Variants in SHQ1 observed in about 807,000 individuals in gnomAD.
SHQ1 encodes protein SHQ1 homolog.
A neutral mutation model predicts 53.8 loss-of-function variants in SHQ1; 49 were observed. That is an observed-to-expected ratio of 0.91 (90% CI 0.72 to 1.16). The LOEUF (loss-of-function observed/expected upper bound fraction) is 1.16, where lower values mean the gene tolerates loss of function less well. Among genes scored for constraint, SHQ1 ranks in the 50% most tolerant of loss-of-function variants. The pLI is 0.00. For missense variants in SHQ1, 738 were observed against 683.1 expected (o/e 1.08, Z -0.90); for synonymous variants, 243 against 251.0 (o/e 0.97, Z 0.30).
intron 10 of SHQ1, among the ~76,000 whole-genome samples, chr3:72,768,183 A>G (rs1432857453): frequency 6.6e-6 from 1 of 152,230 alleles, no homozygotes; most frequent in Admixed American, 6.5e-5. Flanking sequence ...AGAAGAAATC[A>G]GCAGAGATAA....
At chr3:72,819,402 T>C (rs1248100277) in intron 6 of SHQ1, among the ~76,000 whole-genome samples, 1 of 152,242 alleles carries the variant, frequency 6.6e-6, no homozygotes, top group Non-Finnish European at 1.5e-5. Flanking sequence ...ATGGTACCTT[T>C]TGCCATTGAA....
chr3:72,726,270 G>A, the SHQ1 span, among the ~76,000 whole-genome samples: 7 of 152,244 alleles, frequency 4.6e-5, no homozygotes, highest in East Asian at 7.7e-4. Flanking sequence ...CAGCCAGGCC[G>A]CCTCCCAGGC....
Position 72,791,961 on chromosome 3 carries a change from A to C in SHQ1, c.1181+955T>G, listed in dbSNP as rs185400008. Among the ~76,000 whole-genome samples the C allele has an allele frequency of 7.0e-4, 106 of 152,360 alleles. 1 individual carries two copies. Among genetic ancestry groups the C allele is most frequent in the Non-Finnish European group, 1.3e-3 (91 of 68,026 alleles). On this transcript the variant is annotated intron_variant, in intron 10 of 10. Coordinates refer to ENST00000325599, the MANE Select transcript of SHQ1 (RefSeq NM_018130.3). Reference sequence around the variant, plus strand: ...ACGAAATAAAAATTCACTGCATTTTAAAATGTAATCGTTAATCTACTATGT... The same window carrying C: ...ACGAAATAAAAATTCACTGCATTTTCAAATGTAATCGTTAATCTACTATGT...
chr3:72,767,659 TA>T (rs1559663351), intron 10 of SHQ1, among the ~76,000 whole-genome samples: 1 of 152,212 alleles, frequency 6.6e-6, no homozygotes, highest in East Asian at 1.9e-4. Flanking sequence ...AACTCTTCTA[TA>T]ATTAGAACTG....
chr3:72,848,436 G>T lies in SHQ1; in HGVS notation c.-96C>A. The T allele has an allele frequency of 6.5e-7, 1 of 1,538,036 alleles. No individual in the cohort carries two copies. Among genetic ancestry groups the T allele is most frequent in the South Asian group, 1.2e-5 (1 of 83,056 alleles). ...CAACTCCCCACGCGCAGGAACTCTC[G>T]GTGTGAGGGACGGAGCTTCCGGCTC... is the stretch of plus-strand genomic sequence containing the variant. On this transcript the variant is annotated 5_prime_UTR_variant, in exon 1 of 11. Transcript: ENST00000325599.
rs1708168394 is a variant in SHQ1 at position 72,841,134 on chromosome 3, G to C, written c.397C>G (p.Pro133Ala). The C allele has an allele frequency of 6.2e-7, 1 of 1,613,746 alleles. No homozygotes were observed. The highest frequency in any genetic ancestry group is 1.3e-5 in the African/African-American group (1 of 74,898). The change falls in exon 4 of 11, where the codon CCC (proline) becomes GCC (alanine). Residue 133 changes from proline to alanine, a missense_variant. Physicochemically the swap from Pro to Ala is conservative, Grantham distance 27 (BLOSUM62 -1). Transcript: ENST00000325599. Reference sequence around the variant, plus strand: ...GCACTTTCTGATACCTCTTCACAGGGTGTCTGCTCAATTTCCCAATCAAAC... The same window carrying C: ...GCACTTTCTGATACCTCTTCACAGGCTGTCTGCTCAATTTCCCAATCAAAC... ...EEFDWEIEQT[P>A]CEEVSESALN...
At position 72,761,449 on chromosome 3, in the gene SHQ1, G is replaced by C. The variant is rs549438406; in HGVS notation, c.1182-10613C>G. 2.6e-5 allele frequency among the ~76,000 whole-genome samples: 4 copies of C among 152,278 alleles called. No homozygotes were observed. The East Asian group carries it at 7.7e-4, about 29-fold the overall frequency. ...AGCCTCCCAAAGAGCTGAGATTATAGGCATAAGCTACTGCGCCGGGCCAAG... is the reference window on the plus strand; with the variant it reads ...AGCCTCCCAAAGAGCTGAGATTATACGCATAAGCTACTGCGCCGGGCCAAG... On this transcript the variant is annotated intron_variant, in intron 10 of 10. Transcript: ENST00000325599.
rs769336271 is a variant in SHQ1 at position 72,848,360 on chromosome 3, G to A, written c.-20C>T. 2 of 1,612,226 alleles carry A rather than the reference G, an allele frequency of 1.2e-6. No homozygotes were observed. Among genetic ancestry groups the A allele is most frequent in the Admixed American group, 1.7e-5 (1 of 59,900 alleles). ...CAGCATCGCCGCACCGGACGCAAGG[G>A]CCGGCGCCGCTCGCTCTCACTGCCG... is the stretch of plus-strand genomic sequence containing the variant. On this transcript the variant is annotated 5_prime_UTR_variant, in exon 1 of 11. Transcript: ENST00000325599.
chr3:72,822,328 T>C (rs1192029864), intron 6 of SHQ1, among the ~76,000 whole-genome samples: 1 of 152,180 alleles, frequency 6.6e-6, no homozygotes, highest in African/African-American at 2.4e-5. Flanking sequence ...TGACTGTTCC[T>C]GATGCACCAG....
rs1707168038 is a variant in SHQ1, at chr3:72,812,795, C to T, written c.937-1G>A. ...TGATATCATGAACGTTAGTCCAAGTCTGTGAAGTGTCATTTTAATAAGCAG... is the reference window on the plus strand; with the variant it reads ...TGATATCATGAACGTTAGTCCAAGTTTGTGAAGTGTCATTTTAATAAGCAG... On this transcript the variant is annotated splice_acceptor_variant, in intron 8 of 10. Coordinates refer to ENST00000325599, the MANE Select transcript of SHQ1 (RefSeq NM_018130.3). LOFTEE classifies it high-confidence loss of function. 6.2e-7 allele frequency: 1 copy of T among 1,613,768 alleles called. No individual in the cohort carries two copies. Among genetic ancestry groups the T allele is most frequent in the Non-Finnish European group, 8.5e-7 (1 of 1,179,896 alleles).
chr3:72,792,811 A>AAAAAAAAT, intron 10 of SHQ1, 105 bp downstream of exon 10: 1 of 710,236 alleles, frequency 1.4e-6, no homozygotes, highest in Non-Finnish European at 2.1e-6. Context: ...AAAAAAAAAA[A>AAAAAAAAT]CACAACTTAC....
chr3:72,751,496 GTGTGTGTGTGTGTATATATA>G (rs1705369849), intron 10 of SHQ1, among the ~76,000 whole-genome samples: 1 of 117,120 alleles, frequency 8.5e-6, no homozygotes, highest in Non-Finnish European at 1.7e-5. Context: ...GTGTGTGTGT[GTGTGTGTGTGTGTATATATA>G]TATATATATA....
the SHQ1 span, among the ~76,000 whole-genome samples, chr3:72,744,251 T>A: frequency 3.3e-5 from 5 of 152,192 alleles, no homozygotes; most frequent in Non-Finnish European, 7.3e-5. Flanking sequence ...AGTCAGGAAA[T>A]GTTTCTTGGG....
chr3:72,832,167 C>T lies in SHQ1; in HGVS notation c.599+202G>A, dbSNP rs559431135. 2.0e-5 allele frequency among the ~76,000 whole-genome samples: 3 copies of T among 152,234 alleles called. No homozygotes were observed. The South Asian group carries it at 6.2e-4, about 32-fold the overall frequency. On this transcript the variant is annotated intron_variant, in intron 5 of 10. Coordinates refer to ENST00000325599, the MANE Select transcript of SHQ1 (RefSeq NM_018130.3). ...AGTTCTCTGTTGCTAAGATGAACAA[C>T]TTGAGATATAAGAGGCAACATCTTA...
At chr3:72,772,769 A>G (rs1472711316) in intron 10 of SHQ1, 3 of 756,960 alleles carry the variant, frequency 4.0e-6, no homozygotes, top group South Asian at 1.4e-5. Flanking sequence ...ATCCCTATAA[A>G]AAGTCCTGAT....
intron 6 of SHQ1, among the ~76,000 whole-genome samples, chr3:72,819,462 G>A (rs952479864): frequency 2.0e-5 from 3 of 151,668 alleles, no homozygotes; most frequent in African/African-American, 7.3e-5. Flanking sequence ...TTTAAGACAA[G>A]ATTCTGGATT....
At chr3:72,748,366 CAT>C (rs1316030538), downstream of SHQ1, among the ~76,000 whole-genome samples, 1 of 111,144 alleles carries the variant, frequency 9.0e-6, no homozygotes, top group Non-Finnish European at 1.8e-5. Flanking sequence ...AAAAAAGACT[CAT>C]ATGAGGACTT....
chr3:72,772,454 T>C (rs1029464260), intron 10 of SHQ1: 24 of 435,856 alleles, frequency 5.5e-5, no homozygotes, highest in African/African-American at 3.2e-4. Flanking sequence ...GATTGTCAGA[T>C]GTTCACTCAT....
chr3:72,808,698 C>A (rs1021300787), intron 9 of SHQ1, among the ~76,000 whole-genome samples: 1 of 151,976 alleles, frequency 6.6e-6, no homozygotes, highest in African/African-American at 2.4e-5. Context: ...ATGGGGTGTC[C>A]GAACAAACGA....
Sources: gnomAD v4.1 joint callset for allele counts (sites outside exome capture counted in the v4.1 genomes callset) on GRCh38, gnomAD v4.1.1 for gene constraint, MANE v1.5 for transcripts, NCBI Gene and HGNC (gene_info 2026-07-23, HGNC 2026-07-21) for gene names.